The following POMT2 variants were observed in gnomAD, a reference collection of about 807,000 sequenced individuals.
POMT2 encodes the protein protein O-mannosyltransferase 2.
POMT2 carries 75 observed loss-of-function variants against 100.0 expected under a neutral mutation model. That is an observed-to-expected ratio of 0.75 (90% CI 0.62 to 0.91). POMT2 has a LOEUF of 0.91. Ranked by LOEUF, POMT2 falls within the 40% of genes least tolerant of loss-of-function variation. The pLI, the probability that POMT2 is intolerant of heterozygous loss-of-function variation, is 0.00. For synonymous variants in POMT2, 378 were observed against 374.1 expected (o/e 1.01, Z -0.12); for missense variants, 940 against 955.1 (o/e 0.98, Z 0.21).
Position 77,277,494 on chromosome 14 carries a change from AC to A in POMT2, c.2148-14del. The A allele has an allele frequency of 6.3e-7, 1 of 1,594,924 alleles. No homozygotes were observed. Among genetic ancestry groups the A allele is most frequent in the Non-Finnish European group, 8.6e-7 (1 of 1,162,552 alleles). ...GAAGAGGTAGAAGCTGTGAGAGAGA[AC>A]CAGTAGGAGGCAGTTGGCACCCCCA... On this transcript the variant is annotated splice_polypyrimidine_tract_variant and intron_variant, in intron 20 of 20. Transcript: ENST00000261534.
In POMT2 at chr14:77,278,165, G is replaced by C; in HGVS notation, c.2147+229C>G. 6 of 553,870 alleles carry C rather than the reference G, an allele frequency of 1.1e-5. No individual in the cohort carries two copies. The South Asian group carries it at 1.2e-4, about 11-fold the overall frequency. The allele number at this position is 553,870 out of a possible 1,614,324, so 34.3% of individuals were successfully genotyped here. ...GGATGGCACAAAAGCTGAACCACCG[G>C]CAGAAGGGGAAAAGGCAGAGTTAAG... On this transcript the variant is annotated intron_variant, in intron 20 of 20. Coordinates refer to ENST00000261534, the MANE Select transcript of POMT2 (RefSeq NM_013382.7).
In POMT2 at chr14:77,283,838, A is replaced by G. The variant is rs756055811; in HGVS notation, c.1612T>C (p.Phe538Leu). ...NISLDVLQPS[F>L]PEILLESHMV... ...TGGGATTCCAGCAAGATCTCAGGAA[A>G]ACTGGGCTGTAGCACATCCAGGCTG... The change falls in exon 15 of 21, where the codon TTT becomes CTT. Residue 538 changes from phenylalanine (F) to leucine (L), a missense_variant. Physicochemically the swap from Phe to Leu is conservative, Grantham distance 22. Coordinates refer to ENST00000261534, the MANE Select transcript of POMT2 (RefSeq NM_013382.7). The G allele has an allele frequency of 1.2e-6, 2 of 1,613,402 alleles. No individual in the cohort carries two copies. The highest frequency in any genetic ancestry group is 1.7e-6 in the Non-Finnish European group (2 of 1,179,330).
In POMT2 at chr14:77,280,091, G is replaced by C. The variant is rs757599704; in HGVS notation, c.1726-11C>G. ...TGAGAAGCGTAGGCCCTGTGGAATA[G>C]AGACCACCCTGCTGACCCAGGCCCA... On this transcript the variant is annotated splice_polypyrimidine_tract_variant and intron_variant, in intron 16 of 20. Coordinates refer to ENST00000261534, the MANE Select transcript of POMT2 (RefSeq NM_013382.7). 1.2e-6 allele frequency: 2 copies of C among 1,613,774 alleles called. No homozygotes were observed. Among genetic ancestry groups the C allele is most frequent in the Non-Finnish European group, 1.7e-6 (2 of 1,180,026 alleles).
At chr14:77,280,287 G>A (rs1362892934) in intron 16 of POMT2, 105 bp downstream of exon 16, 29 of 1,574,152 alleles carry the variant, frequency 1.8e-5, no homozygotes, top group Admixed American at 3.7e-5. Context: ...ATCCCAGGAG[G>A]CCCCTCGCCC....
At chr14:77,319,753 CTT>C (rs1252696494) in intron 1 of POMT2, among the ~76,000 whole-genome samples, 6 of 152,198 alleles carry the variant, frequency 3.9e-5, no homozygotes, top group Non-Finnish European at 5.9e-5. Flanking sequence ...TAATAAAGTC[CTT>C]TGTCTCTAAC....
At chr14:77,288,858 T>C (rs1890538722) in intron 10 of POMT2, 27 bp from the exon 11 acceptor site, 3 of 1,601,438 alleles carry the variant, frequency 1.9e-6, no homozygotes, top group Admixed American at 1.7e-5. Context: ...AGCATTGATA[T>C]CCAAAATCAC....
intron 1 of POMT2, chr14:77,319,467 T>C (rs1891759355): frequency 6.6e-6 from 1 of 152,222 alleles, no homozygotes; most frequent in Non-Finnish European, 1.5e-5. Context: ...ATTCTGGGTA[T>C]ACCAAGAATG....
Position 77,280,445 on chromosome 14 carries a change from G to A in POMT2, c.1672C>T (p.Pro558Ser), listed in dbSNP as rs1338558574. The stretch of plus-strand genomic sequence containing the variant: ...TTGGACGTGAACTCATTGTCCTTGG[G>A]TTTGAGGCCACTGTTCCCCTGCATG... ...VMIRGNSGLK[P>S]KDNEFTSKPW... Residue 558 changes from proline to serine, a missense_variant, in exon 16 of 21, where the codon CCC becomes TCC. Physicochemically the swap from Pro to Ser is moderately conservative, Grantham distance 74. Transcript: ENST00000261534. The A allele has an allele frequency of 1.2e-6, 2 of 1,614,210 alleles. No individual in the cohort carries two copies. Among genetic ancestry groups the A allele is most frequent in the South Asian group, 1.1e-5 (1 of 91,088 alleles).
At chr14:77,317,090 T>C (rs1891660989) in intron 1 of POMT2, among the ~76,000 whole-genome samples, 1 of 151,990 alleles carries the variant, frequency 6.6e-6, no homozygotes, top group South Asian at 2.1e-4. Flanking sequence ...TCTACCATCA[T>C]GGGCTAGGCA....
chr14:77,287,512 GTC>G (rs1200327293), intron 11 of POMT2: 5 of 94,598 alleles, frequency 5.3e-5, no homozygotes, highest in African/African-American at 1.6e-4. Context: ...TTCTCTCTCT[GTC>G]TCTGTCTCTC....
chr14:77,293,886 G>A (rs762058874), intron 9 of POMT2, among the ~76,000 whole-genome samples: 14 of 151,664 alleles, frequency 9.2e-5, no homozygotes, highest in Non-Finnish European at 2.1e-4. Flanking sequence ...GTCTGTAACT[G>A]TAGTGTCTTC....
intron 1 of POMT2, among the ~76,000 whole-genome samples, chr14:77,312,996 G>T (rs1891495290): frequency 6.6e-6 from 1 of 152,198 alleles, no homozygotes; most frequent in Admixed American, 6.5e-5. Context: ...TAAGTGATTT[G>T]AATAAACAGG....
intron 9 of POMT2, among the ~76,000 whole-genome samples, chr14:77,294,983 G>C (rs752751288): frequency 6.6e-5 from 10 of 152,140 alleles, no homozygotes; most frequent in Non-Finnish European, 1.0e-4. Flanking sequence ...CTCCAAACTG[G>C]TTCCTTGTGA....
intron 1 of POMT2, among the ~76,000 whole-genome samples, chr14:77,315,265 A>G (rs934028828): frequency 6.6e-6 from 1 of 152,182 alleles, no homozygotes; most frequent in Non-Finnish European, 1.5e-5. Context: ...AGGGAGCGAC[A>G]CTGGGGAGGT....
intron 1 of POMT2, among the ~76,000 whole-genome samples, chr14:77,319,051 T>TA (rs138084457): frequency 1.3e-5 from 2 of 152,286 alleles, no homozygotes; most frequent in South Asian, 4.1e-4. Flanking sequence ...ATTACTTTCT[T>TA]AAAAAAATTT....
Position 77,286,737 on chromosome 14 carries a change from T to C in POMT2, c.1332+7A>G, listed in dbSNP as rs770312870. ...ACGTCCTACTCACATCCCCGTTGCT[T>C]ACTTACTATGCCATAGCCGGTGACC... is the stretch of plus-strand genomic sequence containing the variant. On this transcript the variant is annotated splice_region_variant and intron_variant, in intron 12 of 20. Transcript: ENST00000261534. The C allele has an allele frequency of 5.6e-6, 9 of 1,612,156 alleles. No homozygotes were observed. The highest frequency in any genetic ancestry group is 7.6e-6 in the Non-Finnish European group (9 of 1,178,180).
chr14:77,282,402 C>T (rs984945927), intron 15 of POMT2, among the ~76,000 whole-genome samples: 1 of 152,208 alleles, frequency 6.6e-6, no homozygotes, highest in Non-Finnish European at 1.5e-5. Flanking sequence ...AGCGGAAGAG[C>T]CCTGCCCCTG....
intron 1 of POMT2, among the ~76,000 whole-genome samples, chr14:77,317,099 C>T (rs1287334074): frequency 1.3e-5 from 2 of 152,152 alleles, no homozygotes; most frequent in African/African-American, 2.4e-5. Flanking sequence ...ATGGGCTAGG[C>T]ACAACGTAAG....
intron 11 of POMT2, among the ~76,000 whole-genome samples, chr14:77,288,126 CA>C (rs1890501727): frequency 6.6e-6 from 1 of 152,196 alleles, no homozygotes; most frequent in Admixed American, 6.5e-5. Flanking sequence ...AAGAGACAGC[CA>C]AAAGTCAAGA....
Sources: gnomAD v4.1 joint callset for allele counts (sites outside exome capture counted in the v4.1 genomes callset) on GRCh38, gnomAD v4.1.1 for gene constraint, MANE v1.5 for transcripts, NCBI Gene and HGNC (gene_info 2026-07-23, HGNC 2026-07-21) for gene names.